The following ICMT variants were observed in gnomAD, a reference collection of about 807,000 sequenced individuals.
ICMT encodes isoprenylcysteine carboxyl methyltransferase.
Under a neutral mutation model 32.2 loss-of-function variants are expected in ICMT, and 10 were observed. The ratio of observed to expected loss-of-function variants is 0.31; its 90% CI spans 0.19 to 0.53. The LOEUF is 0.53. Among genes scored for constraint, ICMT ranks in the 20% least tolerant of loss-of-function variants. ICMT has a pLI of 0.96. For synonymous variants in ICMT, 183 were observed against 158.2 expected (o/e 1.16, Z -1.18); for missense variants, 265 against 356.9 (o/e 0.74, Z 2.07).
At position 6,232,095 on chromosome 1, in the gene ICMT, C is replaced by G; in HGVS notation, c.479G>C (p.Ser160Thr). The G allele has an allele frequency of 6.2e-7, 1 of 1,613,994 alleles. No homozygotes were observed. The highest frequency in any genetic ancestry group is 8.5e-7 in the Non-Finnish European group (1 of 1,179,952). ...GACCACCATCAGCAGCCCTGTGACA[C>G]TGAGCCAGGTAATCTGCTTCAGTTC... ...WPELKQITWL[S>T]VTGLLMVVFG... The change falls in exon 4 of 5, where the codon AGT becomes ACT. Residue 160 changes from serine to threonine, a missense_variant. By Grantham distance (58) the Ser-to-Thr change is moderately conservative. This residue lies in a region of ICMT where 166 missense variants were observed against 264.3 expected (regional missense o/e 0.63). Transcript: ENST00000343813.
intron 1 of ICMT, 22 bp downstream of exon 1, chr1:6,235,695 G>A (rs1198894081): frequency 1.7e-6 from 2 of 1,168,872 alleles, no homozygotes; most frequent in Admixed American, 4.7e-5. Context: ...GCCGGCCCCC[G>A]CCGGCCCCCG....
chr1:6,230,179 A>G (rs927196948), intron 4 of ICMT, among the ~76,000 whole-genome samples: 1 of 152,024 alleles, frequency 6.6e-6, no homozygotes, highest in African/African-American at 2.4e-5. Context: ...CAGTGGCACA[A>G]TCTCAGCTCA....
intron 2 of ICMT, among the ~76,000 whole-genome samples, chr1:6,234,224 G>A (rs964193075): frequency 1.2e-4 from 18 of 152,148 alleles, no homozygotes; most frequent in African/African-American, 4.1e-4. Flanking sequence ...AGGTCACAGA[G>A]GCATTATGGG....
chr1:6,230,638 C>T (rs1668720164), intron 4 of ICMT, among the ~76,000 whole-genome samples: 1 of 150,732 alleles, frequency 6.6e-6, no homozygotes, highest in Non-Finnish European at 1.5e-5. Flanking sequence ...GCCTATAATC[C>T]CAGCACTTTG....
In ICMT at chr1:6,233,947, C is replaced by T. The variant is rs188033432; in HGVS notation, c.285-304G>A. 6.3e-3 allele frequency among the ~76,000 whole-genome samples: 965 copies of T among 152,306 alleles called. 3 individuals carry two copies. The highest frequency in any genetic ancestry group is 0.011 in the Non-Finnish European group (738 of 68,020). ...CACTGCAACCTCCGCCTCCCAGGTT[C>T]AAGCGATTCTCCTGCCTCAGCCTCT... On this transcript the variant is annotated intron_variant, in intron 2 of 4. Coordinates refer to ENST00000343813, the MANE Select transcript of ICMT (RefSeq NM_012405.4).
intron 1 of ICMT, 22 bp from the exon 2 acceptor site, chr1:6,234,996 CTCAG>C (rs763657504): frequency 2.4e-5 from 39 of 1,596,848 alleles, no homozygotes; most frequent in Non-Finnish European, 3.2e-5. Context: ...CCAAGAGAAG[CTCAG>C]TCATTCACAG....
At chr1:6,232,793 C>G (rs1668757595) in intron 3 of ICMT, among the ~76,000 whole-genome samples, 1 of 152,060 alleles carries the variant, frequency 6.6e-6, no homozygotes, top group Non-Finnish European at 1.5e-5. Context: ...TGTGATCCAC[C>G]CACCTCGGCC....
At position 6,232,047 on chromosome 1, in the gene ICMT, G is replaced by A. The variant is rs373422059; in HGVS notation, c.527C>T (p.Ala176Val). The A allele has an allele frequency of 1.7e-5, 28 of 1,613,918 alleles. No individual in the cohort carries two copies. The highest frequency in any genetic ancestry group is 6.6e-5 in the South Asian group (6 of 91,074). ...ATTGGAGCCAGCTGTAAACATGGCCGCCTTCCTCAGACATTCTCCGAAGAC... is the reference window on the plus strand; with the variant it reads ...ATTGGAGCCAGCTGTAAACATGGCCACCTTCCTCAGACATTCTCCGAAGAC... ...MVVFGECLRK[A>V]AMFTAGSNFN... The change falls in exon 4 of 5, where the codon GCG becomes GTG. Residue 176 changes from alanine (A) to valine (V), a missense_variant. Ala to Val is a moderately conservative substitution (Grantham distance 64). Transcript: ENST00000343813.
At chr1:6,229,041 A>G (rs901318087) in intron 4 of ICMT, among the ~76,000 whole-genome samples, 29 of 150,780 alleles carry the variant, frequency 1.9e-4, no homozygotes, top group African/African-American at 6.6e-4. Context: ...TCAAAAAAAA[A>G]AAAGAAAGAA....
chr1:6,233,428 G>C (rs1294334671), intron 3 of ICMT, 46 bp downstream of exon 3: 4 of 1,561,882 alleles, frequency 2.6e-6, no homozygotes, highest in Non-Finnish European at 2.6e-6. Context: ...AGCCTGAATG[G>C]GAGCCACCCT....
At position 6,222,981 on chromosome 1, in the gene ICMT, G is replaced by A. The variant is rs1427366300; in HGVS notation, c.*2099C>T. ...AAGTTCCTAAACAGAGTAAGTGCCA[G>A]TTGATGTCCCACCGTGGATCCTTTA... is the stretch of plus-strand genomic sequence containing the variant. On this transcript the variant is annotated 3_prime_UTR_variant, in exon 5 of 5. Transcript: ENST00000343813. 1 of 152,262 alleles carries A rather than the reference G, an allele frequency of 6.6e-6. No homozygotes were observed. Among genetic ancestry groups the A allele is most frequent in the East Asian group, 1.9e-4 (1 of 5,194 alleles). 9.4% of individuals were successfully genotyped at this position (152,262 alleles called of 1,614,324 possible). A position where few individuals can be genotyped will look rare whatever the true frequency, so the allele number is the denominator to read the frequency against.
Position 6,222,767 on chromosome 1 carries a change from C to T in ICMT, c.*2313G>A, listed in dbSNP as rs1272858082. ...TGCCCTAGACCTATCAACAAGACAA[C>T]TTCATGGCTCCCAATGGGAATGGAG... On this transcript the variant is annotated 3_prime_UTR_variant, in exon 5 of 5. Coordinates refer to ENST00000343813, the MANE Select transcript of ICMT (RefSeq NM_012405.4). The T allele has an allele frequency of 1.3e-5, 2 of 152,260 alleles. No individual in the cohort carries two copies. Among genetic ancestry groups the T allele is most frequent in the East Asian group, 3.9e-4 (2 of 5,190 alleles). 9.4% of individuals were successfully genotyped at this position (152,260 alleles called of 1,614,324 possible).
At chr1:6,228,311 A>G (rs1203892458) in intron 4 of ICMT, among the ~76,000 whole-genome samples, 1 of 151,020 alleles carries the variant, frequency 6.6e-6, no homozygotes, top group Non-Finnish European at 1.5e-5. Context: ...TCTGGAGAGA[A>G]GGGTTCTCAC....
chr1:6,222,088 C>G lies in ICMT; in HGVS notation c.*2992G>C, dbSNP rs1453931878. ...TAAAAATAATCTCAAGATCATGGAACTAAAAAGAAGTCAATCACTTACCAA... is the reference window on the plus strand; with the variant it reads ...TAAAAATAATCTCAAGATCATGGAAGTAAAAAGAAGTCAATCACTTACCAA... On this transcript the variant is annotated 3_prime_UTR_variant, in exon 5 of 5. Transcript: ENST00000343813. 1 of 152,180 alleles carries G rather than the reference C, an allele frequency of 6.6e-6. No homozygotes were observed. The highest frequency in any genetic ancestry group is 1.5e-5 in the Non-Finnish European group (1 of 68,044). The allele number at this position is 152,180 out of a possible 1,614,324, so 9.4% of individuals were successfully genotyped here. A position where few individuals can be genotyped will look rare whatever the true frequency, so the allele number is the denominator to read the frequency against.
intron 4 of ICMT, among the ~76,000 whole-genome samples, chr1:6,226,504 C>G (rs1330899961): frequency 2.0e-5 from 3 of 152,186 alleles, no homozygotes; most frequent in Non-Finnish European, 4.4e-5. Context: ...GCCCACTGGT[C>G]CCCTGTGGAT....
At chr1:6,235,613 G>A (rs1445081213) in intron 1 of ICMT, 104 bp downstream of exon 1, 4 of 741,108 alleles carry the variant, frequency 5.4e-6, no homozygotes, top group Non-Finnish European at 6.9e-6. Context: ...AAGAGCGCGC[G>A]CGTGGGAGGC....
At position 6,234,870 on chromosome 1, in the gene ICMT, C is replaced by T; in HGVS notation, c.284+16G>A. ...CACCCTCGCCTGAAAACCAGTATTT[C>T]CGAAGGAATTCTTACCAGCCAAAGT... On this transcript the variant is annotated intron_variant, in intron 2 of 4. Coordinates refer to ENST00000343813, the MANE Select transcript of ICMT (RefSeq NM_012405.4). 6.3e-7 allele frequency: 1 copy of T among 1,592,658 alleles called. No individual in the cohort carries two copies. The highest frequency in any genetic ancestry group is 1.3e-5 in the African/African-American group (1 of 74,622).
At chr1:6,232,350 T>C (rs896909451) in intron 3 of ICMT, among the ~76,000 whole-genome samples, 1 of 152,158 alleles carries the variant, frequency 6.6e-6, no homozygotes, top group Non-Finnish European at 1.5e-5. Flanking sequence ...AGCATCATGG[T>C]AAAGAGATGC....
intron 3 of ICMT, among the ~76,000 whole-genome samples, chr1:6,233,225 G>T (rs1321047748): frequency 6.6e-6 from 1 of 152,226 alleles, no homozygotes; most frequent in Non-Finnish European, 1.5e-5. Flanking sequence ...TCAAGGTTGG[G>T]GCTTCAAATT....
Sources: allele counts gnomAD v4.1 joint callset (sites outside exome capture counted in the v4.1 genomes callset), GRCh38; gene constraint gnomAD v4.1.1; regional missense constraint gnomAD v4.1.1; transcripts MANE v1.5; gene names NCBI Gene and HGNC (gene_info 2026-07-23, HGNC 2026-07-21).